Variants in CCDC25 observed in about 807,000 individuals in gnomAD.
The protein encoded by CCDC25 is coiled-coil domain containing 25, also known as coiled-coil domain-containing protein 25.
In CCDC25, 16 loss-of-function variants were observed where a neutral mutation model predicts 35.3. That is an observed-to-expected ratio of 0.45 (90% CI 0.31 to 0.69). The LOEUF is 0.69. Ranked by LOEUF, CCDC25 falls within the 30% of genes least tolerant of loss-of-function variation. The pLI is 0.06. For synonymous variants in CCDC25, 79 were observed against 80.3 expected, an observed-to-expected ratio of 0.98 and a Z score of 0.09; for missense variants, 179 against 250.7, an observed-to-expected ratio of 0.71 and a Z score of 1.93.
chr8:27,751,046 G>A (rs1012038539), intron 5 of CCDC25, among the ~76,000 whole-genome samples: 10 of 152,184 alleles, frequency 6.6e-5, no homozygotes, highest in African/African-American at 9.7e-5. Flanking sequence ...CTGAGCTATC[G>A]TTGCAGAAGG....
chr8:27,748,965 G>A (rs1428280249), intron 5 of CCDC25, among the ~76,000 whole-genome samples: 3 of 152,138 alleles, frequency 2.0e-5, no homozygotes, highest in South Asian at 2.1e-4. Flanking sequence ...AAGCAGCAAC[G>A]GAAAGCCATG....
intron 7 of CCDC25, among the ~76,000 whole-genome samples, chr8:27,745,306 T>C (rs777501678): frequency 6.6e-6 from 1 of 152,200 alleles, no homozygotes; most frequent in African/African-American, 2.4e-5. Flanking sequence ...GCATCTCAAC[T>C]TTTAAATATC....
At chr8:27,759,913 T>C (rs1413583956) in intron 3 of CCDC25, among the ~76,000 whole-genome samples, 1 of 152,080 alleles carries the variant, frequency 6.6e-6, no homozygotes, top group Non-Finnish European at 1.5e-5. Flanking sequence ...TAATGAATGA[T>C]TCAACAGCTC....
chr8:27,750,082 C>T (rs1223929895), intron 5 of CCDC25, among the ~76,000 whole-genome samples: 1 of 152,170 alleles, frequency 6.6e-6, no homozygotes, highest in East Asian at 1.9e-4. Context: ...ATGAATCTTG[C>T]TCTCCACGAC....
intron 3 of CCDC25, among the ~76,000 whole-genome samples, chr8:27,758,034 T>C (rs966994486): frequency 6.6e-6 from 1 of 152,214 alleles, no homozygotes; most frequent in African/African-American, 2.4e-5. Flanking sequence ...ACTGCCATGC[T>C]TCCTGTATAG....
intron 1 of CCDC25, among the ~76,000 whole-genome samples, chr8:27,769,150 T>G (rs1804502502): frequency 6.6e-6 from 1 of 152,258 alleles, no homozygotes; most frequent in African/African-American, 2.4e-5. Context: ...ACTGCCAATA[T>G]GTAAAGTCTC....
At chr8:27,759,778 T>TAAAAAAAAAAAAA (rs1804156603) in intron 3 of CCDC25, among the ~76,000 whole-genome samples, 1 of 3,340 alleles carries the variant, frequency 3.0e-4, no homozygotes, top group Non-Finnish European at 7.0e-4. Context: ...AGACTCTGTC[T>TAAAAAAAAAAAAA]CAAAAAAAAA....
Position 27,752,570 on chromosome 8 carries a change from G to A in CCDC25, c.186C>T (p.Asp62=), listed in dbSNP as rs1286316682. 1.9e-6 allele frequency: 3 copies of A among 1,613,216 alleles called. No individual in the cohort carries two copies. In the African/African-American group the frequency reaches 4.0e-5, roughly 22 times the overall value. ...AGTCCATCAGCACTTCCTTTGGGATGTCTTCTATATTCTCTCCCTGAAACA... is the reference window on the plus strand; with the variant it reads ...AGTCCATCAGCACTTCCTTTGGGATATCTTCTATATTCTCTCCCTGAAACA... The part of the protein sequence containing the change: ...LRLHKGENIE[D]IPKEVLMDCA... Residue 62 remains aspartate, a synonymous_variant, in exon 5 of 9, where the codon GAC becomes GAT. Transcript: ENST00000356537.
chr8:27,738,820 T>A (rs1409752424), intron 8 of CCDC25, among the ~76,000 whole-genome samples: 1 of 152,176 alleles, frequency 6.6e-6, no homozygotes, highest in Admixed American at 6.5e-5. Flanking sequence ...AAGACTACTG[T>A]TTAGTGTTAA....
intron 4 of CCDC25, among the ~76,000 whole-genome samples, chr8:27,755,806 A>T (rs1026478704): frequency 8.5e-5 from 13 of 152,240 alleles, no homozygotes; most frequent in African/African-American, 3.1e-4. Flanking sequence ...ACTGAGCAAT[A>T]GTCTACAAAA....
intron 3 of CCDC25, among the ~76,000 whole-genome samples, chr8:27,762,057 G>A (rs905491562): frequency 6.6e-6 from 1 of 152,134 alleles, no homozygotes; most frequent in African/African-American, 2.4e-5. Context: ...TATTCCATCC[G>A]CATGGATGCT....
chr8:27,764,080 T>C (rs1804318343), intron 2 of CCDC25, among the ~76,000 whole-genome samples: 1 of 152,222 alleles, frequency 6.6e-6, no homozygotes, highest in Non-Finnish European at 1.5e-5. Flanking sequence ...ATCATTCCAC[T>C]TAAATTGATG....
In CCDC25 at chr8:27,748,438, T is replaced by C. The variant is rs867818444; in HGVS notation, c.348+57A>G. 94 of 1,375,182 alleles carry C rather than the reference T, an allele frequency of 6.8e-5. 1 individual carries two copies. In the African/African-American group the frequency reaches 7.1e-4, roughly 10 times the overall value. 85.2% of individuals were successfully genotyped at this position (1,375,182 alleles called of 1,614,324 possible). A position where few individuals can be genotyped will look rare whatever the true frequency, so the allele number is the denominator to read the frequency against. ...CAACAATGGTGTCAGACAGAAAAGA[T>C]AGGATACTCCATTCAGTATCAGGGC... On this transcript the variant is annotated intron_variant, in intron 6 of 8. Coordinates refer to ENST00000356537, the MANE Select transcript of CCDC25 (RefSeq NM_018246.3).
intron 4 of CCDC25, among the ~76,000 whole-genome samples, chr8:27,755,415 G>C (rs1189262694): frequency 6.6e-6 from 1 of 152,184 alleles, no homozygotes; most frequent in Non-Finnish European, 1.5e-5. Context: ...CAGGAGTCTA[G>C]GCTGATGCAA....
At chr8:27,770,607 C>T (rs1231837451) in intron 1 of CCDC25, among the ~76,000 whole-genome samples, 2 of 151,544 alleles carry the variant, frequency 1.3e-5, no homozygotes, top group African/African-American at 2.4e-5. Context: ...GGCTTGGTGG[C>T]GCATTCCTGT....
intron 3 of CCDC25, 116 bp downstream of exon 3, chr8:27,762,303 T>C: frequency 1.2e-6 from 1 of 839,868 alleles, no homozygotes. Context: ...AGTCAGCTGT[T>C]TAACCCTGAA....
chr8:27,762,722 AAACT>A (rs1305115650), intron 2 of CCDC25, among the ~76,000 whole-genome samples: 6 of 152,162 alleles, frequency 3.9e-5, no homozygotes, highest in African/African-American at 1.4e-4. Flanking sequence ...GAAGATAATA[AAACT>A]AACACTGACA....
At chr8:27,757,671 C>A (rs1466351229) in intron 3 of CCDC25, among the ~76,000 whole-genome samples, 2 of 152,192 alleles carry the variant, frequency 1.3e-5, no homozygotes, top group African/African-American at 4.8e-5. Context: ...AGAAATGCCC[C>A]CTCCGCATCC....
chr8:27,736,273 A>G (rs1266012880), intron 8 of CCDC25, 28 bp from the exon 9 acceptor site: 6 of 1,533,784 alleles, frequency 3.9e-6, no homozygotes, highest in Non-Finnish European at 4.5e-6. Flanking sequence ...ATGAGAACAT[A>G]AAAGCCTTGA....
Sources: allele counts gnomAD v4.1 joint callset (sites outside exome capture counted in the v4.1 genomes callset), GRCh38; gene constraint gnomAD v4.1.1; transcripts MANE v1.5; gene names NCBI Gene and HGNC (gene_info 2026-07-23, HGNC 2026-07-21).